The following AKIRIN2 variants were observed in gnomAD, a reference collection of about 807,000 sequenced individuals.
The protein encoded by AKIRIN2 is akirin-2.
A neutral mutation model predicts 29.3 loss-of-function variants in AKIRIN2; 6 were observed. The ratio of observed to expected loss-of-function variants is 0.20; its 90% CI spans 0.11 to 0.40. The LOEUF (loss-of-function observed/expected upper bound fraction) is 0.40. AKIRIN2 is among the 10% of genes least tolerant of loss of function. The pLI, the probability that AKIRIN2 is intolerant of heterozygous loss-of-function variation, is 1.00. For missense variants in AKIRIN2, 210 were observed against 276.1 expected (o/e 0.76, Z 1.70); for synonymous variants, 128 against 117.5 (o/e 1.09, Z -0.58).
chr6:87,678,559 C>T (rs1370868948), intron 2 of AKIRIN2, among the ~76,000 whole-genome samples: 1 of 151,968 alleles, frequency 6.6e-6, no homozygotes, highest in African/African-American at 2.4e-5. Context: ...AAAACTTAAA[C>T]ATTACAATGA....
Position 87,701,621 on chromosome 6 carries a change from G to A in AKIRIN2, c.64C>T (p.Pro22Ser). ...AATGGCGCACATCGCCTGCGCTTCG[G>A]GGACGCCGGGCTCAACAGCGGGTCG... Reference protein sequence around the residue: ...DFDPLLSPASPKRRRCAPLSA... With the variant: ...DFDPLLSPASSKRRRCAPLSA... Residue 22 changes from proline to serine, a missense_variant, in exon 1 of 5, where the codon CCG (proline) becomes TCG (serine). By Grantham distance (74) the Pro-to-Ser change is moderately conservative. This residue lies in a region of AKIRIN2 where 199 missense variants were observed against 236.5 expected (regional missense o/e 0.84). Transcript: ENST00000257787. The A allele has an allele frequency of 6.9e-7, 1 of 1,458,050 alleles. No homozygotes were observed. Among genetic ancestry groups the A allele is most frequent in the Non-Finnish European group, 9.0e-7 (1 of 1,108,362 alleles). 90.3% of individuals were successfully genotyped at this position (1,458,050 alleles called of 1,614,324 possible).
intron 4 of AKIRIN2, 92 bp from the exon 5 acceptor site, chr6:87,675,699 TTAAG>T (rs1770960115): frequency 1.3e-6 from 2 of 1,538,706 alleles, no homozygotes; most frequent in African/African-American, 2.7e-5. Context: ...CCCTAGGTAT[TTAAG>T]TAACCAAAAG....
intron 1 of AKIRIN2, among the ~76,000 whole-genome samples, chr6:87,688,697 G>C (rs547341619): frequency 6.6e-6 from 1 of 152,072 alleles, no homozygotes; most frequent in Non-Finnish European, 1.5e-5. Flanking sequence ...AGGTTGCAGC[G>C]AGCCGAGATT....
In AKIRIN2 at chr6:87,701,992, G is replaced by A. The variant is rs1033408116; in HGVS notation, c.-308C>T. On this transcript the variant is annotated 5_prime_UTR_variant, in exon 1 of 5. Coordinates refer to ENST00000257787, the MANE Select transcript of AKIRIN2 (RefSeq NM_018064.4). ...GCGCGGCTCCCCCGAGAGAGGCTCC[G>A]GCCGCCCCCGCCGTCCGCTCGAGCT... The A allele has an allele frequency of 3.7e-5, 15 of 402,470 alleles. No individual in the cohort carries two copies. Among genetic ancestry groups the A allele is most frequent in the Non-Finnish European group, 6.1e-5 (14 of 228,154 alleles). The allele number at this position is 402,470 out of a possible 1,614,324, so 24.9% of individuals were successfully genotyped here. A position where few individuals can be genotyped will look rare whatever the true frequency, so the allele number is the denominator to read the frequency against.
At chr6:87,688,162 C>T (rs559771559) in intron 1 of AKIRIN2, among the ~76,000 whole-genome samples, 85 of 152,136 alleles carry the variant, frequency 5.6e-4, no homozygotes, top group African/African-American at 1.8e-3. Flanking sequence ...GACAGAGTCT[C>T]GCTCTGTCGC....
At chr6:87,681,815 A>C in intron 1 of AKIRIN2, 52 bp from the exon 2 acceptor site, 1 of 1,435,906 alleles carries the variant, frequency 7.0e-7, no homozygotes. Flanking sequence ...ACATTAAAAA[A>C]GAGGTTGGCT....
chr6:87,693,256 T>TG (rs1475745822), intron 1 of AKIRIN2, among the ~76,000 whole-genome samples: 2 of 151,408 alleles, frequency 1.3e-5, no homozygotes, highest in Non-Finnish European at 2.9e-5. Flanking sequence ...ATAACCAAAA[T>TG]GAAGCATAAC....
At chr6:87,690,121 G>A (rs906555787) in intron 1 of AKIRIN2, among the ~76,000 whole-genome samples, 10 of 151,624 alleles carry the variant, frequency 6.6e-5, no homozygotes, top group Admixed American at 6.6e-5. Flanking sequence ...GCTGAGAATC[G>A]CTTGAGCTTG....
At position 87,677,885 on chromosome 6, in the gene AKIRIN2, A is replaced by G. The variant is rs765008918; in HGVS notation, c.462T>C (p.Arg154=). 11 of 1,613,928 alleles carry G rather than the reference A, an allele frequency of 6.8e-6. No individual in the cohort carries two copies. The Admixed American group carries it at 1.7e-4, about 24-fold the overall frequency. ...TLRQVGMICE[R]LLKEREEKVR... The stretch of plus-strand genomic sequence containing the variant: ...CTTTCTCTTCACGTTCTTTCAACAA[A>G]CGTTCACAGATCATCCCAACCTGCC... Residue 154 remains arginine, a synonymous_variant, in exon 3 of 5, where the codon CGT becomes CGC. Coordinates refer to ENST00000257787, the MANE Select transcript of AKIRIN2 (RefSeq NM_018064.4).
Position 87,701,809 on chromosome 6 carries a change from G to C in AKIRIN2, c.-125C>G. 1 of 667,170 alleles carries C rather than the reference G, an allele frequency of 1.5e-6. No homozygotes were observed. 41.3% of individuals were successfully genotyped at this position (667,170 alleles called of 1,614,324 possible). A position where few individuals can be genotyped will look rare whatever the true frequency, so the allele number is the denominator to read the frequency against. ...CCTACCCGACGGGCTCAGGAGCCAA[G>C]CGGGTCGCGGAGCGCCGGCTGTGGA... is the stretch of plus-strand genomic sequence containing the variant. On this transcript the variant is annotated 5_prime_UTR_variant, in exon 1 of 5. Transcript: ENST00000257787.
chr6:87,686,459 G>C (rs1314568712), intron 1 of AKIRIN2, among the ~76,000 whole-genome samples: 1 of 152,038 alleles, frequency 6.6e-6, no homozygotes, highest in Non-Finnish European at 1.5e-5. Flanking sequence ...GAACCACAAA[G>C]GAAGGGAGGT....
chr6:87,679,038 G>A (rs1771073781), intron 2 of AKIRIN2, among the ~76,000 whole-genome samples: 2 of 151,842 alleles, frequency 1.3e-5, no homozygotes, highest in Non-Finnish European at 1.5e-5. Flanking sequence ...AGGAGGCTGA[G>A]GCAGGAGAAT....
intron 1 of AKIRIN2, among the ~76,000 whole-genome samples, chr6:87,693,264 AAC>A (rs1562400314): frequency 6.6e-6 from 1 of 151,954 alleles, no homozygotes; most frequent in Admixed American, 6.6e-5. Flanking sequence ...AATGAAGCAT[AAC>A]TCTCATCTAA....
In AKIRIN2 at chr6:87,677,975, C is replaced by G. The variant is rs114667966; in HGVS notation, c.380-8G>C. 1,729 of 1,606,426 alleles carry G rather than the reference C, an allele frequency of 1.1e-3. 20 individuals are homozygous for G. In the African/African-American group the frequency reaches 0.02, roughly 19 times the overall value. ...ATGCTGCAGATGAAGTCCCTATGTA[C>G]AATGAGGACAAAAAATAGCACCTGG... On this transcript the variant is annotated splice_region_variant and splice_polypyrimidine_tract_variant and intron_variant, in intron 2 of 4. Coordinates refer to ENST00000257787, the MANE Select transcript of AKIRIN2 (RefSeq NM_018064.4).
Position 87,675,514 on chromosome 6 carries a change from T to G in AKIRIN2, c.*83A>C. ...TAACCTGTATTCACAGAAGGGGTAT[T>G]GGCATTGCTGCATGTCATAATTGGG... On this transcript the variant is annotated 3_prime_UTR_variant, in exon 5 of 5. Transcript: ENST00000257787. 1 of 1,549,578 alleles carries G rather than the reference T, an allele frequency of 6.5e-7. No homozygotes were observed. Among genetic ancestry groups the G allele is most frequent in the Non-Finnish European group, 8.9e-7 (1 of 1,121,960 alleles).
At chr6:87,684,297 C>T (rs1194662611) in intron 1 of AKIRIN2, among the ~76,000 whole-genome samples, 2 of 152,084 alleles carry the variant, frequency 1.3e-5, no homozygotes, top group Non-Finnish European at 2.9e-5. Context: ...AATTAAGAAA[C>T]GGTAAAACTT....
intron 1 of AKIRIN2, among the ~76,000 whole-genome samples, chr6:87,684,568 C>T (rs1033925620): frequency 2.6e-5 from 4 of 152,192 alleles, no homozygotes; most frequent in African/African-American, 9.6e-5. Flanking sequence ...TCCACCAACA[C>T]TCATCTGCTA....
chr6:87,697,018 C>CA (rs909091957), intron 1 of AKIRIN2, among the ~76,000 whole-genome samples: 42 of 148,544 alleles, frequency 2.8e-4, no homozygotes, highest in African/African-American at 7.4e-4. Context: ...AACAAACGAA[C>CA]AAAAAAAAAG....
At chr6:87,685,783 CATT>C (rs1422815602) in intron 1 of AKIRIN2, among the ~76,000 whole-genome samples, 1 of 152,184 alleles carries the variant, frequency 6.6e-6, no homozygotes, top group Non-Finnish European at 1.5e-5. Flanking sequence ...AAATGGAAGT[CATT>C]ATTAGCAAGT....
Sources: gnomAD v4.1 joint callset for allele counts (sites outside exome capture counted in the v4.1 genomes callset) on GRCh38, gnomAD v4.1.1 for gene constraint, gnomAD v4.1.1 regional missense constraint, MANE v1.5 for transcripts, NCBI Gene and HGNC (gene_info 2026-07-23, HGNC 2026-07-21) for gene names.